The following KCNC2 variants were observed in gnomAD, a reference collection of about 807,000 sequenced individuals.
KCNC2 encodes voltage-gated potassium channel KCNC2.
KCNC2 carries 21 observed loss-of-function variants against 44.5 expected under a neutral mutation model. The ratio of observed to expected loss-of-function variants is 0.47; its 90% CI spans 0.33 to 0.68. The LOEUF is 0.68. Ranked by LOEUF, KCNC2 falls within the 30% of genes least tolerant of loss-of-function variation. KCNC2 has a pLI of 0.01. For synonymous variants in KCNC2, 391 were observed against 339.1 expected (o/e 1.15, Z -1.68); for missense variants, 589 against 826.2 (o/e 0.71, Z 3.52).
chr12:75,171,323 A>G (rs943617659), intron 2 of KCNC2, among the ~76,000 whole-genome samples: 1 of 151,802 alleles, frequency 6.6e-6, no homozygotes, highest in Non-Finnish European at 1.5e-5. Flanking sequence ...GAAAGAGATT[A>G]TATCAGCTGA....
At chr12:75,169,583 G>A (rs1389335372) in intron 2 of KCNC2, among the ~76,000 whole-genome samples, 3 of 151,398 alleles carry the variant, frequency 2.0e-5, no homozygotes, top group Non-Finnish European at 3.0e-5. Flanking sequence ...TTCACTTTTG[G>A]TAATGTATAA....
At chr12:75,109,066 G>T (rs890488318) in intron 2 of KCNC2, among the ~76,000 whole-genome samples, 2 of 152,144 alleles carry the variant, frequency 1.3e-5, no homozygotes, top group Non-Finnish European at 2.9e-5. Context: ...CAGTGGGCAG[G>T]CTGCTTATGT....
chr12:75,138,979 T>TAAAAAAAAAAAAAAAAAAAAAAAA (rs373729570), intron 2 of KCNC2, among the ~76,000 whole-genome samples: 40 of 77,922 alleles, frequency 5.1e-4, no homozygotes, highest in African/African-American at 8.1e-4. Flanking sequence ...AGACTCCGTG[T>TAAAAAAAAAAAAAAAAAAAAAAAA]AAAAAAAAAA....
At chr12:75,083,077 A>T (rs1292494004) in intron 2 of KCNC2, among the ~76,000 whole-genome samples, 2 of 151,498 alleles carry the variant, frequency 1.3e-5, no homozygotes, top group Non-Finnish European at 3.0e-5. Context: ...TTAAGAAATT[A>T]TAGTTAGTAA....
intron 2 of KCNC2, among the ~76,000 whole-genome samples, chr12:75,119,660 G>A (rs940323575): frequency 1.1e-4 from 17 of 152,124 alleles, no homozygotes; most frequent in Admixed American, 1.1e-3. Context: ...CATAGGTCCA[G>A]GGTAGACTGC....
chr12:75,114,138 C>T (rs1887467978), intron 2 of KCNC2, among the ~76,000 whole-genome samples: 2 of 152,136 alleles, frequency 1.3e-5, no homozygotes, highest in South Asian at 4.1e-4. Flanking sequence ...AGTGGAATGA[C>T]TCTCAAAATC....
At chr12:75,168,851 C>A (rs2446313) in intron 2 of KCNC2, among the ~76,000 whole-genome samples, 26,652 of 151,410 alleles carry the variant, frequency 0.18, 2,512 homozygotes, top group African/African-American at 0.2. Context: ...CCTTCAATAT[C>A]TTTGGAAGCA....
intron 2 of KCNC2, among the ~76,000 whole-genome samples, chr12:75,062,425 T>A (rs1340989606): frequency 6.6e-6 from 1 of 152,110 alleles, no homozygotes; most frequent in East Asian, 1.9e-4. Flanking sequence ...TCTTCTAGAT[T>A]TTTATATATA....
At chr12:75,153,152 G>C (rs1890523359) in intron 2 of KCNC2, among the ~76,000 whole-genome samples, 1 of 151,954 alleles carries the variant, frequency 6.6e-6, no homozygotes, top group South Asian at 2.1e-4. Context: ...TTGCCATTTG[G>C]AATAATAGAA....
chr12:75,200,009 A>G (rs925256529), intron 2 of KCNC2, among the ~76,000 whole-genome samples: 5 of 151,736 alleles, frequency 3.3e-5, no homozygotes, highest in Admixed American at 2.0e-4. Context: ...AGACAATAAC[A>G]TGTAAAACTA....
At chr12:75,050,121 C>T (rs1336377350) in intron 3 of KCNC2, among the ~76,000 whole-genome samples, 1 of 151,782 alleles carries the variant, frequency 6.6e-6, no homozygotes, top group African/African-American at 2.4e-5. Flanking sequence ...AACAAACAGG[C>T]AAAAGAAAAT....
At chr12:75,196,925 G>C (rs1344945982) in intron 2 of KCNC2, among the ~76,000 whole-genome samples, 1 of 152,042 alleles carries the variant, frequency 6.6e-6, no homozygotes, top group Non-Finnish European at 1.5e-5. Flanking sequence ...ACTGGTCTAA[G>C]CTTGATTTGT....
Position 75,050,994 on chromosome 12 carries a change from G to T in KCNC2, c.1011C>A (p.Ser337=). ...AGCCAAGCACATCTTTAGCAGCTTT[G>T]GATGACAGCCCACTGAGTCCCACCT... The part of the protein sequence containing the change: ...YLEVGLSGLS[S]KAAKDVLGFL... The change falls in exon 3 of 5, where the codon TCC becomes TCA. Residue 337 remains serine, a synonymous_variant. Coordinates refer to ENST00000549446, the MANE Select transcript of KCNC2 (RefSeq NM_139137.4). The T allele has an allele frequency of 6.2e-7, 1 of 1,613,740 alleles. No homozygotes were observed. The highest frequency in any genetic ancestry group is 8.5e-7 in the Non-Finnish European group (1 of 1,179,830).
intron 2 of KCNC2, among the ~76,000 whole-genome samples, chr12:75,172,058 A>G (rs1891862003): frequency 6.6e-6 from 1 of 151,356 alleles, no homozygotes; most frequent in Non-Finnish European, 1.5e-5. Flanking sequence ...ACCCACCCTC[A>G]CCCCCCAAAG....
chr12:75,047,270 A>T (rs1400571513), intron 4 of KCNC2, among the ~76,000 whole-genome samples: 2 of 152,002 alleles, frequency 1.3e-5, no homozygotes, highest in Non-Finnish European at 2.9e-5. Context: ...CTATTTTTAA[A>T]GGGGAGGAAA....
At position 75,194,482 on chromosome 12, in the gene KCNC2, C is replaced by T. The variant is rs116986230; in HGVS notation, c.687+12815G>A. Among the ~76,000 whole-genome samples the T allele has an allele frequency of 7.8e-3, 1,187 of 152,242 alleles. 25 individuals carry two copies. Among genetic ancestry groups the T allele is most frequent in the East Asian group, 0.023 (121 of 5,172 alleles). ...GCTTCTAGCCTCCAAAACTGTAAGA[C>T]GATAGGTGTCTGTTGTCTTAAGTCA... On this transcript the variant is annotated intron_variant, in intron 2 of 4. Transcript: ENST00000549446.
At chr12:75,180,502 G>A (rs564885528) in intron 2 of KCNC2, among the ~76,000 whole-genome samples, 39 of 151,706 alleles carry the variant, frequency 2.6e-4, no homozygotes, top group South Asian at 2.1e-3. Context: ...TTCATGGTGC[G>A]TACACTGTGT....
chr12:75,089,489 A>G (rs945465096), intron 2 of KCNC2, among the ~76,000 whole-genome samples: 6 of 151,904 alleles, frequency 3.9e-5, no homozygotes, highest in Non-Finnish European at 5.9e-5. Context: ...AAATAAAAAT[A>G]CAATCCACCT....
intron 2 of KCNC2, among the ~76,000 whole-genome samples, chr12:75,175,774 T>A (rs1892142445): frequency 6.6e-6 from 1 of 152,030 alleles, no homozygotes; most frequent in African/African-American, 2.4e-5. Context: ...GGAGTTTCAT[T>A]TCACTGCAGC....
Sources: gnomAD v4.1 joint callset for allele counts (sites outside exome capture counted in the v4.1 genomes callset) on GRCh38, gnomAD v4.1.1 for gene constraint, MANE v1.5 for transcripts, NCBI Gene and HGNC (gene_info 2026-07-23, HGNC 2026-07-21) for gene names.